Variants in THSD7B observed in about 807,000 individuals in gnomAD.
THSD7B encodes the protein thrombospondin type 1 domain containing 7B.
THSD7B carries 138 observed loss-of-function variants against 213.6 expected under a neutral mutation model. The observed-to-expected ratio is 0.65, with a 90% confidence interval of 0.56 to 0.74. The LOEUF (loss-of-function observed/expected upper bound fraction) is 0.74. THSD7B is among the 30% of genes least tolerant of loss of function. The pLI is 0.00. For synonymous variants in THSD7B, 742 were observed against 687.0 expected (o/e 1.08, Z -1.25); for missense variants, 1,931 against 1,991.5 (o/e 0.97, Z 0.58).
intron 2 of THSD7B, among the ~76,000 whole-genome samples, chr2:136,981,060 A>G (rs1685569080): frequency 6.6e-6 from 1 of 151,994 alleles, no homozygotes; most frequent in African/African-American, 2.4e-5. Flanking sequence ...CTAATCAGGC[A>G]TCTTGGCCCC....
At position 137,500,941 on chromosome 2, in the gene THSD7B, T is replaced by C. The variant is rs146696280; in HGVS notation, c.3138+49918T>C. On this transcript the variant is annotated intron_variant, in intron 15 of 27. Coordinates refer to ENST00000409968, the MANE Select transcript of THSD7B (RefSeq NM_001316349.2). ...ACTTAGTACCTTTTATGTTTCATGG[T>C]TTTTTTTTATATTAGAAAGGTTTAA... 1.3e-4 allele frequency among the ~76,000 whole-genome samples: 18 copies of C among 142,092 alleles called. No individual in the cohort carries two copies. In the East Asian group the frequency reaches 3.5e-3, roughly 28 times the overall value. The allele number at this position is 142,092 out of a possible 152,430, so 93.2% of individuals were successfully genotyped here. A position where few individuals can be genotyped will look rare whatever the true frequency, so the allele number is the denominator to read the frequency against.
At chr2:137,573,363 G>C (rs1371213213) in intron 17 of THSD7B, among the ~76,000 whole-genome samples, 1 of 151,988 alleles carries the variant, frequency 6.6e-6, no homozygotes, top group Non-Finnish European at 1.5e-5. Context: ...ATCTCTGTAT[G>C]GAAATGGAAA....
rs550089199 is a variant in THSD7B at position 137,611,184 on chromosome 2, G to T, written c.3424-4991G>T. ...ACATTAGTGGCCTTTAATCATTTTT[G>T]ACCATGGTCTACTATAAAAATGTGT... On this transcript the variant is annotated intron_variant, in intron 17 of 27. Coordinates refer to ENST00000409968, the MANE Select transcript of THSD7B (RefSeq NM_001316349.2). Among the ~76,000 whole-genome samples, 48 of 151,336 alleles carry T rather than the reference G, an allele frequency of 3.2e-4. 1 individual carries two copies. The East Asian group carries it at 8.8e-3, about 28-fold the overall frequency.
At chr2:137,260,161 T>G (rs1182307836) in intron 10 of THSD7B, among the ~76,000 whole-genome samples, 1 of 152,180 alleles carries the variant, frequency 6.6e-6, no homozygotes, top group Non-Finnish European at 1.5e-5. Flanking sequence ...GAGAAGGAAC[T>G]TATAGGACAT....
At chr2:137,328,033 A>G (rs923194993) in intron 12 of THSD7B, among the ~76,000 whole-genome samples, 9 of 152,294 alleles carry the variant, frequency 5.9e-5, no homozygotes, top group African/African-American at 2.2e-4. Context: ...TGATATGGGG[A>G]TTTTAGTTTC....
intron 2 of THSD7B, among the ~76,000 whole-genome samples, chr2:136,914,733 C>A (rs1280786156): frequency 1.3e-5 from 2 of 152,198 alleles, no homozygotes; most frequent in African/African-American, 4.8e-5. Flanking sequence ...GCCTTCCCAG[C>A]CATGTGTAAC....
intron 15 of THSD7B, among the ~76,000 whole-genome samples, chr2:137,485,765 A>C (rs944540952): frequency 6.6e-6 from 1 of 152,186 alleles, no homozygotes; most frequent in African/African-American, 2.4e-5. Context: ...GTTACCCACA[A>C]AGGGAAGCCC....
chr2:137,237,919 T>C (rs1681804748), intron 9 of THSD7B, among the ~76,000 whole-genome samples: 1 of 152,172 alleles, frequency 6.6e-6, no homozygotes, highest in Non-Finnish European at 1.5e-5. Context: ...TAACTTGCAT[T>C]TCCAGGAAAG....
chr2:137,000,237 C>A (rs1036646926), intron 2 of THSD7B, among the ~76,000 whole-genome samples: 1 of 152,078 alleles, frequency 6.6e-6, no homozygotes, highest in Non-Finnish European at 1.5e-5. Flanking sequence ...CCATTTTTCC[C>A]CTAGGTTGAG....
At chr2:136,914,758 A>G (rs189405188) in intron 2 of THSD7B, among the ~76,000 whole-genome samples, 2 of 152,244 alleles carry the variant, frequency 1.3e-5, no homozygotes, top group African/African-American at 2.4e-5. Context: ...AGTCCAATTA[A>G]ACTTCTTTTT....
At chr2:137,321,389 G>C (rs1175731462) in intron 12 of THSD7B, among the ~76,000 whole-genome samples, 2 of 152,184 alleles carry the variant, frequency 1.3e-5, no homozygotes, top group Non-Finnish European at 2.9e-5. Context: ...CTTGTGCTTT[G>C]TATATGAAAG....
At chr2:137,263,724 C>G (rs1449160146) in intron 10 of THSD7B, among the ~76,000 whole-genome samples, 1 of 152,064 alleles carries the variant, frequency 6.6e-6, no homozygotes, top group Non-Finnish European at 1.5e-5. Flanking sequence ...TGAAGTACTT[C>G]AAGGTTTAGC....
intron 2 of THSD7B, among the ~76,000 whole-genome samples, chr2:137,050,676 A>G (rs1403634392): frequency 6.6e-6 from 1 of 152,130 alleles, no homozygotes; most frequent in East Asian, 1.9e-4. Flanking sequence ...TTGCTGTTGA[A>G]TTTTTCTGAG....
intron 2 of THSD7B, among the ~76,000 whole-genome samples, chr2:136,965,336 T>C (rs62172678): frequency 6.6e-5 from 10 of 152,096 alleles, no homozygotes; most frequent in African/African-American, 2.4e-4. Flanking sequence ...ATAACACATA[T>C]GGTGAAGAGT....
chr2:137,047,387 T>G (rs1488635960), intron 2 of THSD7B, among the ~76,000 whole-genome samples: 1 of 152,208 alleles, frequency 6.6e-6, no homozygotes, highest in East Asian at 1.9e-4. Context: ...TATGCCATGT[T>G]GTTACCGAGC....
At chr2:137,659,641 T>C in intron 24 of THSD7B, 23 bp from the exon 25 acceptor site, 1 of 1,573,122 alleles carries the variant, frequency 6.4e-7, no homozygotes, top group Non-Finnish European at 8.6e-7. Flanking sequence ...AATCTGCAAA[T>C]GATGGTGGAA....
chr2:137,590,718 A>C (rs1681844536), intron 17 of THSD7B, among the ~76,000 whole-genome samples: 1 of 148,932 alleles, frequency 6.7e-6, no homozygotes, highest in Non-Finnish European at 1.5e-5. Flanking sequence ...TTATACGTTA[A>C]TTTTGTAAAT....
intron 1 of THSD7B, among the ~76,000 whole-genome samples, chr2:136,819,136 C>T (rs1236023152): frequency 6.6e-6 from 1 of 151,996 alleles, no homozygotes; most frequent in Non-Finnish European, 1.5e-5. Context: ...AAGCTAGTGT[C>T]CTTGAAAAAA....
At chr2:137,205,986 A>C (rs966306970) in intron 7 of THSD7B, among the ~76,000 whole-genome samples, 8 of 151,982 alleles carry the variant, frequency 5.3e-5, no homozygotes, top group Non-Finnish European at 1.2e-4. Context: ...AAGTATATTC[A>C]CATACAAATC....
Sources: allele counts gnomAD v4.1 joint callset (sites outside exome capture counted in the v4.1 genomes callset), GRCh38; gene constraint gnomAD v4.1.1; transcripts MANE v1.5; gene names NCBI Gene and HGNC (gene_info 2026-07-23, HGNC 2026-07-21).